GINS1: variants seen among roughly 807,000 people sequenced by gnomAD.
GINS1 encodes DNA replication complex GINS protein PSF1.
In GINS1, 26 loss-of-function variants were observed where a neutral mutation model predicts 34.9. The observed-to-expected ratio is 0.74, with a 90% CI of 0.55 to 1.03. The LOEUF (loss-of-function observed/expected upper bound fraction) is 1.03, where lower values mean the gene tolerates loss of function less well. Ranked by LOEUF, GINS1 falls within the 50% of genes least tolerant of loss-of-function variation. The pLI is 0.00. For synonymous variants in GINS1, 97 were observed against 84.4 expected (o/e 1.15, Z -0.82); for missense variants, 235 against 237.9 (o/e 0.99, Z 0.08).
chr20:25,433,246 A>G (rs950725499), intron 5 of GINS1, among the ~76,000 whole-genome samples: 10 of 151,902 alleles, frequency 6.6e-5, no homozygotes, highest in Admixed American at 2.0e-4. Flanking sequence ...TTTTCTTGCA[A>G]TGGACTGGGG....
intron 1 of GINS1, chr20:25,411,088 G>A (rs1436031540): frequency 6.6e-6 from 1 of 152,130 alleles, no homozygotes; most frequent in Non-Finnish European, 1.5e-5. Flanking sequence ...GACTAGCCTG[G>A]GCAACATAGT....
At position 25,441,034 on chromosome 20, in the gene GINS1, G is replaced by A. The variant is rs1292186478; in HGVS notation, c.448-668G>A. ...CAACAGCAGTTCATCACTAGTACTC[G>A]TGAGAGTAAACTTCAGTCTGAATTC... On this transcript the variant is annotated intron_variant, in intron 5 of 6. Coordinates refer to ENST00000262460, the MANE Select transcript of GINS1 (RefSeq NM_021067.5). Among the ~76,000 whole-genome samples the A allele has an allele frequency of 2.6e-5, 4 of 152,120 alleles. No individual in the cohort carries two copies. The East Asian group carries it at 5.8e-4, about 22-fold the overall frequency.
intron 5 of GINS1, among the ~76,000 whole-genome samples, chr20:25,440,810 CAA>C (rs60014594): frequency 0.015 from 1,019 of 69,098 alleles, 19 homozygotes; most frequent in African/African-American, 0.038. Context: ...GACTCTGTCT[CAA>C]AAAAAAAAAA....
intron 5 of GINS1, among the ~76,000 whole-genome samples, chr20:25,428,696 A>G (rs536487864): frequency 1.9e-4 from 29 of 151,094 alleles, no homozygotes; most frequent in South Asian, 8.4e-4. Context: ...GAGCCACCGC[A>G]CCCGGCCTCC....
rs1160088781 is a variant in GINS1, at chr20:25,413,795, T to G, written c.81T>G (p.Asp27Glu). 5 of 1,571,482 alleles carry G rather than the reference T, an allele frequency of 3.2e-6. No individual in the cohort carries two copies. Among genetic ancestry groups the G allele is most frequent in the Non-Finnish European group, 4.4e-6 (5 of 1,141,140 alleles). The change falls in exon 2 of 7, where the codon GAT becomes GAG. Residue 27 changes from aspartate to glutamate, a missense_variant. By Grantham distance (45) the Asp-to-Glu change is conservative. Coordinates refer to ENST00000262460, the MANE Select transcript of GINS1 (RefSeq NM_021067.5). The part of the protein sequence containing the change: ...PEGQLPAFNE[D>E]GLRQVLEEMK... Reference sequence around the variant, plus strand: ...TATCGGTTTATATGTTCTAGGAGGATGGACTCAGACAAGTTCTGGAGGAGA... The same window carrying G: ...TATCGGTTTATATGTTCTAGGAGGAGGGACTCAGACAAGTTCTGGAGGAGA...
intron 4 of GINS1, among the ~76,000 whole-genome samples, chr20:25,423,869 C>G (rs1019367622): frequency 6.6e-6 from 1 of 151,452 alleles, no homozygotes; most frequent in African/African-American, 2.4e-5. Flanking sequence ...CCGCCTCGGC[C>G]TCTCAAAGTT....
At chr20:25,413,081 C>T (rs577579892) in intron 1 of GINS1, among the ~76,000 whole-genome samples, 7 of 146,998 alleles carry the variant, frequency 4.8e-5, no homozygotes, top group Admixed American at 2.0e-4. Flanking sequence ...TTCTTTGAGA[C>T]GAAGTTTCGC....
intron 5 of GINS1, among the ~76,000 whole-genome samples, chr20:25,428,057 G>A (rs2090402382): frequency 6.6e-6 from 1 of 151,788 alleles, no homozygotes; most frequent in Non-Finnish European, 1.5e-5. Flanking sequence ...ATTGTTAGCA[G>A]AGATAGGGTT....
chr20:25,437,150 G>A (rs532224673), intron 5 of GINS1, among the ~76,000 whole-genome samples: 6 of 152,164 alleles, frequency 3.9e-5, no homozygotes, highest in African/African-American at 1.4e-4. Context: ...GCTCCTGAAA[G>A]GGGGAAAAAA....
chr20:25,418,254 C>T (rs2090333878), intron 4 of GINS1, 59 bp downstream of exon 4: 11 of 959,798 alleles, frequency 1.1e-5, no homozygotes, highest in African/African-American at 1.6e-5. Flanking sequence ...TGGCATTGTT[C>T]TATAATAGTG....
intron 5 of GINS1, among the ~76,000 whole-genome samples, chr20:25,428,841 T>C (rs1165366960): frequency 6.6e-6 from 1 of 152,138 alleles, no homozygotes; most frequent in East Asian, 1.9e-4. Flanking sequence ...TGTACATCTG[T>C]CGTAAAAAAA....
intron 4 of GINS1, among the ~76,000 whole-genome samples, chr20:25,424,201 T>C (rs2090377264): frequency 6.6e-6 from 1 of 152,222 alleles, no homozygotes; most frequent in Non-Finnish European, 1.5e-5. Context: ...CTGTTGTAAT[T>C]ACTGTAACTA....
At chr20:25,409,964 CACTT>C (rs2090273288) in intron 1 of GINS1, among the ~76,000 whole-genome samples, 1 of 152,178 alleles carries the variant, frequency 6.6e-6, no homozygotes, top group Non-Finnish European at 1.5e-5. Context: ...CTGACTCTGA[CACTT>C]AGTTTAGCTC....
chr20:25,411,257 A>G (rs73107482), intron 1 of GINS1: 6,122 of 152,308 alleles, frequency 0.04, 205 homozygotes, highest in Non-Finnish European at 0.06. Context: ...CCTGGGTGAC[A>G]GACTGAATCC....
At chr20:25,409,680 G>C (rs529719996) in intron 1 of GINS1, among the ~76,000 whole-genome samples, 9 of 152,216 alleles carry the variant, frequency 5.9e-5, no homozygotes, top group Admixed American at 6.5e-5. Flanking sequence ...TAAGGAACTC[G>C]TCTGAATTTA....
intron 2 of GINS1, among the ~76,000 whole-genome samples, chr20:25,416,117 A>T (rs536762814): frequency 1.7e-4 from 26 of 152,292 alleles, no homozygotes; most frequent in African/African-American, 5.8e-4. Flanking sequence ...GTCTTAAAAG[A>T]TAATGCTGGT....
At chr20:25,426,858 T>C (rs1455420682) in intron 5 of GINS1, among the ~76,000 whole-genome samples, 1 of 152,128 alleles carries the variant, frequency 6.6e-6, no homozygotes, top group Admixed American at 6.5e-5. Flanking sequence ...ATGAGTAATA[T>C]TCCTTTTTCT....
chr20:25,420,143 TA>T (rs1231750892), intron 4 of GINS1, among the ~76,000 whole-genome samples: 3 of 151,334 alleles, frequency 2.0e-5, no homozygotes, highest in African/African-American at 7.3e-5. Flanking sequence ...AATATATATA[TA>T]TTTTTTTGAG....
intron 6 of GINS1, 64 bp from the exon 7 acceptor site, chr20:25,445,859 A>G (rs1178152101): frequency 9.8e-7 from 1 of 1,024,220 alleles, no homozygotes; most frequent in Non-Finnish European, 1.5e-6. Context: ...GATACAAGAA[A>G]TAATTTCAAA....
Sources: gnomAD v4.1 joint callset for allele counts (sites outside exome capture counted in the v4.1 genomes callset) on GRCh38, gnomAD v4.1.1 for gene constraint, MANE v1.5 for transcripts, NCBI Gene and HGNC (gene_info 2026-07-23, HGNC 2026-07-21) for gene names.